RNF157: variants seen among roughly 807,000 people sequenced by gnomAD.
The protein encoded by RNF157 is E3 ubiquitin ligase RNF157.
Under a neutral mutation model 88.3 loss-of-function variants are expected in RNF157, and 55 were observed. The observed-to-expected ratio is 0.62, with a 90% confidence interval of 0.50 to 0.78. The LOEUF (loss-of-function observed/expected upper bound fraction) is 0.78. Among genes scored for constraint, RNF157 ranks in the 30% least tolerant of loss-of-function variants. The pLI, the probability that RNF157 is intolerant of heterozygous loss-of-function variation, is 0.00. For missense variants in RNF157, 788 were observed against 860.8 expected, an observed-to-expected ratio of 0.92 and a Z score of 1.06; for synonymous variants, 334 against 341.2, an observed-to-expected ratio of 0.98 and a Z score of 0.23.
chr17:76,202,466 C>G (rs1403216808), intron 2 of RNF157, among the ~76,000 whole-genome samples: 1 of 152,188 alleles, frequency 6.6e-6, no homozygotes, highest in Admixed American at 6.5e-5. Context: ...GGTCCAAGAA[C>G]ACACAAGTCA....
In RNF157 at chr17:76,240,284, C is replaced by T. The variant is rs952241178; in HGVS notation, c.-44G>A. 5.1e-6 allele frequency: 5 copies of T among 987,382 alleles called. No individual in the cohort carries two copies. The African/African-American group carries it at 5.3e-5, about 10-fold the overall frequency. The allele number at this position is 987,382 out of a possible 1,614,324, so 61.2% of individuals were successfully genotyped here. On this transcript the variant is annotated 5_prime_UTR_variant, in exon 1 of 19. Transcript: ENST00000269391. The surrounding 1 kb of genome is among the most constrained non-coding windows in gnomAD (Gnocchi z 4.4). The stretch of plus-strand genomic sequence containing the variant: ...CCCGGCCCGGCCCCGGTGCCCGCGC[C>T]GCCCTCCGCGCTTCACCGCGGCCGC...
intron 2 of RNF157, among the ~76,000 whole-genome samples, chr17:76,206,309 A>G (rs1288646036): frequency 6.6e-6 from 1 of 152,214 alleles, no homozygotes; most frequent in Non-Finnish European, 1.5e-5. Context: ...AGAGTTGGGC[A>G]GTAATTATCC....
At chr17:76,202,625 A>G (rs1490492228) in intron 2 of RNF157, 1 of 157,470 alleles carries the variant, frequency 6.4e-6, no homozygotes, top group Admixed American at 6.5e-5. Context: ...ACTGTGAGCT[A>G]TTAGAGCGCT....
intron 3 of RNF157, among the ~76,000 whole-genome samples, chr17:76,170,876 G>T (rs1003611486): frequency 1.3e-5 from 2 of 151,940 alleles, no homozygotes; most frequent in African/African-American, 4.8e-5. Flanking sequence ...CCTTTTTAAA[G>T]AAATTTTTAA....
intron 3 of RNF157, among the ~76,000 whole-genome samples, chr17:76,173,120 A>G (rs541649874): frequency 6.6e-6 from 1 of 152,212 alleles, no homozygotes; most frequent in African/African-American, 2.4e-5. Flanking sequence ...CCCCGTCTCT[A>G]TTAAAAATAC....
At chr17:76,220,957 CAAAA>C (rs35782875) in intron 1 of RNF157, among the ~76,000 whole-genome samples, 1 of 138,266 alleles carries the variant, frequency 7.2e-6, no homozygotes. Flanking sequence ...GATGCTGTCT[CAAAA>C]AAAAAAAAAA....
At chr17:76,208,664 T>C (rs916668576) in intron 2 of RNF157, among the ~76,000 whole-genome samples, 1 of 152,188 alleles carries the variant, frequency 6.6e-6, no homozygotes, top group African/African-American at 2.4e-5. Flanking sequence ...GCTTTCCTAA[T>C]ATAAAATTAT....
chr17:76,196,053 A>G (rs764099471), intron 2 of RNF157, among the ~76,000 whole-genome samples: 39 of 152,326 alleles, frequency 2.6e-4, no homozygotes, highest in Middle Eastern at 3.4e-3. Context: ...TATAAATATG[A>G]TTACAAACCT....
At chr17:76,190,788 G>C (rs1018817054) in intron 2 of RNF157, among the ~76,000 whole-genome samples, 1 of 150,812 alleles carries the variant, frequency 6.6e-6, no homozygotes, top group African/African-American at 2.4e-5. Context: ...GCGCCCTGTA[G>C]TCCCAGCTAC....
At chr17:76,210,036 A>G (rs12942176) in intron 2 of RNF157, among the ~76,000 whole-genome samples, 88,367 of 151,842 alleles carry the variant, frequency 0.58, 27,121 homozygotes, top group African/African-American at 0.78. Context: ...GGGATTACAG[A>G]CATGAGTCAC....
intron 2 of RNF157, among the ~76,000 whole-genome samples, chr17:76,180,639 G>A (rs1381730123): frequency 2.0e-5 from 3 of 152,042 alleles, no homozygotes; most frequent in African/African-American, 7.2e-5. Flanking sequence ...TGCCCAGGCT[G>A]GTCTCAAACT....
At chr17:76,179,702 A>C (rs1466762972) in intron 2 of RNF157, among the ~76,000 whole-genome samples, 2 of 152,192 alleles carry the variant, frequency 1.3e-5, no homozygotes, top group East Asian at 3.9e-4. Flanking sequence ...AAAAACAAAA[A>C]ATAAGTATCT....
intron 1 of RNF157, among the ~76,000 whole-genome samples, chr17:76,223,434 C>T (rs992389435): frequency 1.3e-5 from 2 of 152,018 alleles, no homozygotes; most frequent in Non-Finnish European, 2.9e-5. Flanking sequence ...GTGATCCATC[C>T]GCCTCGGCCT....
In RNF157 at chr17:76,156,232, T is replaced by A; in HGVS notation, c.1503A>T (p.Ser501=). 2 of 1,613,962 alleles carry A rather than the reference T, an allele frequency of 1.2e-6. No homozygotes were observed. Among genetic ancestry groups the A allele is most frequent in the Non-Finnish European group, 1.7e-6 (2 of 1,179,860 alleles). The change falls in exon 14 of 19, where the codon TCA becomes TCT. Residue 501 remains serine (S), a synonymous_variant. Coordinates refer to ENST00000269391, the MANE Select transcript of RNF157 (RefSeq NM_052916.3). The stretch of plus-strand genomic sequence containing the variant: ...TACCTTCTGGGGAGGAAATAGTGGA[T>A]GACAGAGGCGTCCCTGTGCAAGACG... ...DQSSCTGTPL[S]STISSPEGPA...
chr17:76,166,415 C>A (rs559723197), intron 6 of RNF157, 46 bp downstream of exon 6: 1 of 1,521,876 alleles, frequency 6.6e-7, no homozygotes, highest in South Asian at 1.1e-5. Context: ...GAATATGCCA[C>A]AAAAGAGCAG....
At position 76,146,914 on chromosome 17, in the gene RNF157, A is replaced by G; in HGVS notation, c.1922-1561T>C. Reference sequence around the variant, plus strand: ...CCAGCCCAGGACATGAAACCCTTTAATGGCATGTAGAGTCAACAGGTATAA... The same window carrying G: ...CCAGCCCAGGACATGAAACCCTTTAGTGGCATGTAGAGTCAACAGGTATAA... On this transcript the variant is annotated intron_variant, in intron 18 of 18. Transcript: ENST00000269391. The surrounding 1 kb of genome is among the most constrained non-coding windows in gnomAD (Gnocchi z 4.2). 1 of 985,418 alleles carries G rather than the reference A, an allele frequency of 1.0e-6. No individual in the cohort carries two copies. The highest frequency in any genetic ancestry group is 5.2e-4 in the Middle Eastern group (1 of 1,914). 61.0% of individuals were successfully genotyped at this position (985,418 alleles called of 1,614,324 possible). A position where few individuals can be genotyped will look rare whatever the true frequency, so the allele number is the denominator to read the frequency against.
At chr17:76,200,263 A>C (rs1054552463) in intron 2 of RNF157, among the ~76,000 whole-genome samples, 2 of 152,032 alleles carry the variant, frequency 1.3e-5, no homozygotes, top group Non-Finnish European at 2.9e-5. Context: ...AAACAAAAAC[A>C]AAAACCAAAA....
At chr17:76,222,346 CAA>C (rs1162600459) in intron 1 of RNF157, among the ~76,000 whole-genome samples, 19 of 78,154 alleles carry the variant, frequency 2.4e-4, no homozygotes, top group Admixed American at 4.1e-4. Flanking sequence ...GACCCCGTCT[CAA>C]AAAAAAAAAA....
At chr17:76,188,374 C>T (rs866787944) in intron 2 of RNF157, among the ~76,000 whole-genome samples, 1 of 152,178 alleles carries the variant, frequency 6.6e-6, no homozygotes, top group African/African-American at 2.4e-5. Flanking sequence ...TTATTCTCAG[C>T]AACCTCTTCT....
Sources: allele counts gnomAD v4.1 joint callset (sites outside exome capture counted in the v4.1 genomes callset), GRCh38; gene constraint gnomAD v4.1.1; non-coding constraint Gnocchi (gnomAD v3.1); transcripts MANE v1.5; gene names NCBI Gene and HGNC (gene_info 2026-07-23, HGNC 2026-07-21).